EPB41L1: variants seen among roughly 807,000 people sequenced by gnomAD.
EPB41L1 encodes erythrocyte membrane protein band 4.1 like 1.
Under a neutral mutation model 97.8 loss-of-function variants are expected in EPB41L1, and 29 were observed. That is an observed-to-expected ratio of 0.30 (90% CI 0.22 to 0.40). The LOEUF is 0.40. EPB41L1 is among the 10% of genes least tolerant of loss of function. The probability of loss-of-function intolerance (pLI) is 1.00; values close to 1 mark genes in which losing one functional copy is unlikely to be tolerated. For synonymous variants in EPB41L1, 383 were observed against 459.2 expected, an observed-to-expected ratio of 0.83 and a Z score of 2.12; for missense variants, 812 against 1,162.3, an observed-to-expected ratio of 0.70 and a Z score of 4.38.
At chr20:36,223,572 A>T (rs942468831) in intron 21 of EPB41L1, among the ~76,000 whole-genome samples, 2 of 152,206 alleles carry the variant, frequency 1.3e-5, no homozygotes, top group African/African-American at 4.8e-5. Flanking sequence ...TGGATAAAAT[A>T]AGCCAGGCAC....
rs931183539 is a variant in EPB41L1, at chr20:36,222,524, C to T, written c.2637+130C>T. On this transcript the variant is annotated intron_variant, in intron 21 of 21. Transcript: ENST00000338074. ...CAGCTTTGACCCTCCCCCCATCAGC[C>T]TTCCTGATTTGCTGCTCAAAGGAGA... 14 of 720,354 alleles carry T rather than the reference C, an allele frequency of 1.9e-5. No individual in the cohort carries two copies. In the African/African-American group the frequency reaches 2.3e-4, roughly 12 times the overall value. 44.6% of individuals were successfully genotyped at this position (720,354 alleles called of 1,614,324 possible).
chr20:36,185,218 A>C lies in EPB41L1; in HGVS notation c.668A>C (p.Glu223Ala), dbSNP rs780140662. ...CTGGGCTCCTACGCTGTGCAGGCTG[A>C]GCTGGGTGACTATGATGCTGAGGAG... ...ALLGSYAVQA[E>A]LGDYDAEEHV... is the part of the protein sequence containing the mutation. The change falls in exon 7 of 22, where the codon GAG (glutamate) becomes GCG (alanine). Residue 223 changes from glutamate to alanine, a missense_variant. This residue lies in a region of EPB41L1 where 230 missense variants were observed against 445.2 expected (regional missense o/e 0.52). Coordinates refer to ENST00000338074, the MANE Select transcript of EPB41L1 (RefSeq NM_012156.2). The C allele has an allele frequency of 6.2e-7, 1 of 1,613,812 alleles. No homozygotes were observed. Among genetic ancestry groups the C allele is most frequent in the South Asian group, 1.1e-5 (1 of 91,072 alleles).
chr20:36,201,775 T>C (rs1449892117), intron 14 of EPB41L1, among the ~76,000 whole-genome samples: 1 of 152,162 alleles, frequency 6.6e-6, no homozygotes, highest in Non-Finnish European at 1.5e-5. Flanking sequence ...GGCAGGAGGC[T>C]GTGCTCCCTC....
intron 21 of EPB41L1, 48 bp from the exon 22 acceptor site, chr20:36,229,284 T>TGGCG: frequency 6.9e-7 from 1 of 1,440,986 alleles, no homozygotes; most frequent in Non-Finnish European, 9.7e-7. Flanking sequence ...TTCCTTCCTT[T>TGGCG]CCCCCCACTC....
intron 2 of EPB41L1, among the ~76,000 whole-genome samples, chr20:36,114,373 G>T (rs548387684): frequency 1.3e-5 from 2 of 152,206 alleles, no homozygotes; most frequent in South Asian, 2.1e-4. Flanking sequence ...AGGAAGCAGG[G>T]TCTAAAGACC....
At chr20:36,221,289 T>A (rs1247284441) in intron 19 of EPB41L1, among the ~76,000 whole-genome samples, 1 of 152,244 alleles carries the variant, frequency 6.6e-6, no homozygotes, top group Non-Finnish European at 1.5e-5. Flanking sequence ...GTATCATCAA[T>A]CCAATTTTCT....
chr20:36,188,517 A>G lies in EPB41L1; in HGVS notation c.1026+18A>G. 6.3e-7 allele frequency: 1 copy of G among 1,583,936 alleles called. No homozygotes were observed. The highest frequency in any genetic ancestry group is 1.1e-5 in the South Asian group (1 of 90,232). Reference sequence around the variant, plus strand: ...CTGGGGAGGTGAGTCTGCCTTGGGAAACACTCCTCCTCACCGGAATCAACT... The same window carrying G: ...CTGGGGAGGTGAGTCTGCCTTGGGAGACACTCCTCCTCACCGGAATCAACT... On this transcript the variant is annotated intron_variant, in intron 9 of 21. Coordinates refer to ENST00000338074, the MANE Select transcript of EPB41L1 (RefSeq NM_012156.2).
At chr20:36,135,438 T>C (rs559700278) in intron 2 of EPB41L1, among the ~76,000 whole-genome samples, 3 of 152,302 alleles carry the variant, frequency 2.0e-5, no homozygotes, top group Admixed American at 2.0e-4. Context: ...GTCAGCGGGT[T>C]TGGAATCCCC....
intron 1 of EPB41L1, among the ~76,000 whole-genome samples, chr20:36,161,743 G>A (rs1419103277): frequency 1.3e-5 from 2 of 151,984 alleles, no homozygotes; most frequent in Admixed American, 1.3e-4. Flanking sequence ...CCAAAGTGCT[G>A]GGATTACAGG....
intron 2 of EPB41L1, among the ~76,000 whole-genome samples, chr20:36,127,129 C>T (rs8114319): frequency 0.027 from 4,187 of 152,328 alleles, 211 homozygotes; most frequent in African/African-American, 0.096. Context: ...ATCCATACCC[C>T]GCCTCCCATC....
In EPB41L1 at chr20:36,206,968, C is replaced by T. The variant is rs2062853736; in HGVS notation, c.1669-2520C>T. On this transcript the variant is annotated intron_variant, in intron 14 of 21. Transcript: ENST00000338074. This position sits in a 1 kb window ranked among gnomAD's most constrained non-coding sequence, Gnocchi z 5.5. ...TCTGAATGTCAGGAAGCCAGTCAAA[C>T]CAGACAGAGGCAACTTCCCACCCAA... is the stretch of plus-strand genomic sequence containing the variant. The T allele has an allele frequency of 7.8e-7, 1 of 1,289,986 alleles. No individual in the cohort carries two copies. The highest frequency in any genetic ancestry group is 1.0e-6 in the Non-Finnish European group (1 of 988,902). 79.9% of individuals were successfully genotyped at this position (1,289,986 alleles called of 1,614,324 possible). A position where few individuals can be genotyped will look rare whatever the true frequency, so the allele number is the denominator to read the frequency against.
In EPB41L1 at chr20:36,229,508, A is replaced by C; in HGVS notation, c.*168A>C. 3.2e-6 allele frequency: 2 copies of C among 630,314 alleles called. No homozygotes were observed. The highest frequency in any genetic ancestry group is 5.7e-6 in the Non-Finnish European group (2 of 349,072). The allele number at this position is 630,314 out of a possible 1,614,324, so 39.0% of individuals were successfully genotyped here. A position where few individuals can be genotyped will look rare whatever the true frequency, so the allele number is the denominator to read the frequency against. Reference sequence around the variant, plus strand: ...AGCATATATATATAGATATATAGAGATATAGATATATATACAGGAAACACC... The same window carrying C: ...AGCATATATATATAGATATATAGAGCTATAGATATATATACAGGAAACACC... On this transcript the variant is annotated 3_prime_UTR_variant, in exon 22 of 22. Transcript: ENST00000338074.
chr20:36,141,931 A>C (rs1405496431), intron 2 of EPB41L1, among the ~76,000 whole-genome samples: 1 of 151,834 alleles, frequency 6.6e-6, no homozygotes, highest in East Asian at 1.9e-4. Flanking sequence ...AACATGGTGA[A>C]ACCCTGTCTC....
rs772069986 is a variant in EPB41L1 at position 36,209,910 on chromosome 20, C to T, written c.2079+12C>T. The T allele has an allele frequency of 6.2e-7, 1 of 1,612,520 alleles. No individual in the cohort carries two copies. The highest frequency in any genetic ancestry group is 1.7e-5 in the Admixed American group (1 of 59,954). ...TGCCCCAGTTTGAGGTACAGTGGAG[C>T]TTCCTCAAGAGCCAGGCCCGCTGGG... On this transcript the variant is annotated intron_variant, in intron 15 of 21. Transcript: ENST00000338074. The surrounding 1 kb of genome is among the most constrained non-coding windows in gnomAD (Gnocchi z 4.2).
At chr20:36,164,197 G>A (rs1214389048) in intron 1 of EPB41L1, among the ~76,000 whole-genome samples, 1 of 152,168 alleles carries the variant, frequency 6.6e-6, no homozygotes, top group Admixed American at 6.5e-5. Context: ...AGGCAAGGGA[G>A]CTCAAGGGAC....
rs770021917 is a variant in EPB41L1 at position 36,209,945 on chromosome 20, C to T, written c.2079+47C>T. The T allele has an allele frequency of 7.5e-6, 12 of 1,602,186 alleles. No individual in the cohort carries two copies. Among genetic ancestry groups the T allele is most frequent in the African/African-American group, 2.7e-5 (2 of 74,590 alleles). Reference sequence around the variant, plus strand: ...AGCCAGGCCCGCTGGGCACCGCATGCTCAGAGGGCCCTGGGCCACCCGTGA... The same window carrying T: ...AGCCAGGCCCGCTGGGCACCGCATGTTCAGAGGGCCCTGGGCCACCCGTGA... On this transcript the variant is annotated intron_variant, in intron 15 of 21. Coordinates refer to ENST00000338074, the MANE Select transcript of EPB41L1 (RefSeq NM_012156.2). The surrounding 1 kb of genome is among the most constrained non-coding windows in gnomAD (Gnocchi z 4.2).
rs375772370 is a variant in EPB41L1, at chr20:36,197,973, C to T, written c.1600C>T (p.Arg534Trp). Residue 534 changes from arginine (R) to tryptophan (W), a missense_variant, in exon 14 of 22, where the codon CGG becomes TGG. Physicochemically the swap from Arg to Trp is moderately radical, Grantham distance 101. Coordinates refer to ENST00000338074, the MANE Select transcript of EPB41L1 (RefSeq NM_012156.2). ...KLIHRDRDWE[R>W]ERRLPSSPAS... is the part of the protein sequence containing the mutation. ...CATCCACCGGGATCGAGACTGGGAA[C>T]GGGAGCGCAGGCTGCCCTCCTCCCC... The T allele has an allele frequency of 1.5e-5, 25 of 1,613,992 alleles. No individual in the cohort carries two copies. The highest frequency in any genetic ancestry group is 8.0e-5 in the African/African-American group (6 of 74,908).
At chr20:36,199,783 C>A (rs1428874349) in intron 14 of EPB41L1, among the ~76,000 whole-genome samples, 2 of 152,130 alleles carry the variant, frequency 1.3e-5, no homozygotes, top group Admixed American at 6.5e-5. Flanking sequence ...CAAGCTTGGC[C>A]TGGCTGTGGG....
chr20:36,113,796 C>G (rs1569038092), intron 2 of EPB41L1: 1 of 152,446 alleles, frequency 6.6e-6, no homozygotes, highest in Non-Finnish European at 1.5e-5. Context: ...ATGCGGAGCT[C>G]AAGGTATGTG....
Sources: allele counts gnomAD v4.1 joint callset (sites outside exome capture counted in the v4.1 genomes callset), GRCh38; gene constraint gnomAD v4.1.1; regional missense constraint gnomAD v4.1.1; non-coding constraint Gnocchi (gnomAD v3.1); transcripts MANE v1.5; gene names NCBI Gene and HGNC (gene_info 2026-07-23, HGNC 2026-07-21).